MINK1: variants seen among roughly 807,000 people sequenced by gnomAD.
The protein encoded by MINK1 is misshapen like kinase 1, also known as misshapen-like kinase 1.
MINK1 carries 46 observed loss-of-function variants against 178.4 expected under a neutral mutation model. The ratio of observed to expected loss-of-function variants is 0.26; its 90% CI spans 0.20 to 0.33. The LOEUF is 0.33. Among genes scored for constraint, MINK1 ranks in the 10% least tolerant of loss-of-function variants. The probability of loss-of-function intolerance (pLI) is 1.00; values close to 1 mark genes in which losing one functional copy is unlikely to be tolerated. For synonymous variants in MINK1, 797 were observed against 709.7 expected, an observed-to-expected ratio of 1.12 and a Z score of -1.96; for missense variants, 1,366 against 1,814.9, an observed-to-expected ratio of 0.75 and a Z score of 4.49.
In MINK1 at chr17:4,896,303, C is replaced by A; in HGVS notation, c.3576C>A (p.Val1192=). The part of the protein sequence containing the change: ...GSSAGFHAVD[V]DSGNSYDIYI... ...GTGCTGGCTTCCATGCTGTGGATGTCGACTCGGGGAACAGCTATGACATCT... is the reference window on the plus strand; with the variant it reads ...GTGCTGGCTTCCATGCTGTGGATGTAGACTCGGGGAACAGCTATGACATCT... The change falls in exon 29 of 32, where the codon GTC becomes GTA. Residue 1192 remains valine (V), a synonymous_variant. Transcript: ENST00000355280. This position sits in a 1 kb window ranked among gnomAD's most constrained non-coding sequence, Gnocchi z 4.6. 6.2e-7 allele frequency: 1 copy of A among 1,601,358 alleles called. No homozygotes were observed.
intron 1 of MINK1, chr17:4,868,755 CT>C: frequency 6.2e-4 from 145 of 232,402 alleles, no homozygotes; most frequent in South Asian, 1.3e-3. Flanking sequence ...TCTTTTTTTT[CT>C]TTTTTTTGAG....
chr17:4,855,848 C>T (rs1046834336), intron 1 of MINK1, among the ~76,000 whole-genome samples: 2 of 151,378 alleles, frequency 1.3e-5, no homozygotes, highest in African/African-American at 4.9e-5. Flanking sequence ...GTAGCAGGCA[C>T]CTGTAATCCC....
At chr17:4,834,239 G>T (rs1409877593) in intron 1 of MINK1, among the ~76,000 whole-genome samples, 5 of 152,094 alleles carry the variant, frequency 3.3e-5, no homozygotes, top group Non-Finnish European at 7.3e-5. Context: ...AAGTGCAGCA[G>T]TTCAGAACCA....
intron 12 of MINK1, among the ~76,000 whole-genome samples, chr17:4,889,304 A>G (rs1968532342): frequency 6.6e-6 from 1 of 152,074 alleles, no homozygotes; most frequent in African/African-American, 2.4e-5. Flanking sequence ...ACTTCAGGCA[A>G]AGGTCGATTT....
At chr17:4,868,311 T>C (rs1485176027) in intron 1 of MINK1, among the ~76,000 whole-genome samples, 1 of 152,158 alleles carries the variant, frequency 6.6e-6, no homozygotes, top group Admixed American at 6.5e-5. Context: ...CCATAAAGTA[T>C]TGATAACTGT....
In MINK1 at chr17:4,893,981, C is replaced by G; in HGVS notation, c.2565-7C>G. 7 of 1,564,074 alleles carry G rather than the reference C, an allele frequency of 4.5e-6. No homozygotes were observed. Among genetic ancestry groups the G allele is most frequent in the Non-Finnish European group, 5.2e-6 (6 of 1,156,364 alleles). ...ACCTGGAGGGGCCCCACCTTCCTCT[C>G]TCACAGCAGCGATGGGGATACAGAC... On this transcript the variant is annotated splice_polypyrimidine_tract_variant and splice_region_variant and intron_variant, in intron 21 of 31. Transcript: ENST00000355280.
In MINK1 at chr17:4,894,344, G is replaced by T. The variant is rs774649669; in HGVS notation, c.2808+33G>T. 1.2e-6 allele frequency: 2 copies of T among 1,601,638 alleles called. No individual in the cohort carries two copies. Among genetic ancestry groups the T allele is most frequent in the Non-Finnish European group, 1.7e-6 (2 of 1,175,306 alleles). ...GGCCGGAGGCAGGTCCGCCGGGAGA[G>T]AAGAGCCCTGGCGATGGGCAGGAGG... is the stretch of plus-strand genomic sequence containing the variant. On this transcript the variant is annotated intron_variant, in intron 23 of 31. Coordinates refer to ENST00000355280, the MANE Select transcript of MINK1 (RefSeq NM_153827.5). The surrounding 1 kb of genome is among the most constrained non-coding windows in gnomAD (Gnocchi z 4.1).
At chr17:4,845,507 T>C (rs1272122188) in intron 1 of MINK1, among the ~76,000 whole-genome samples, 3 of 151,988 alleles carry the variant, frequency 2.0e-5, no homozygotes, top group Non-Finnish European at 2.9e-5. Context: ...ATGTGAGGGG[T>C]ACATGTGTTA....
rs1343913634 is a variant in MINK1 at position 4,885,440 on chromosome 17, G to T, written c.509-43G>T. ...CGCAGGGATGTGAGGCAAGGGAGCA[G>T]AGGTGACTCCCCACACTGACCCCTC... On this transcript the variant is annotated intron_variant, in intron 6 of 31. Coordinates refer to ENST00000355280, the MANE Select transcript of MINK1 (RefSeq NM_153827.5). This position sits in a 1 kb window ranked among gnomAD's most constrained non-coding sequence, Gnocchi z 5.0. 6.2e-7 allele frequency: 1 copy of T among 1,607,202 alleles called. No homozygotes were observed. The highest frequency in any genetic ancestry group is 8.5e-7 in the Non-Finnish European group (1 of 1,176,118).
intron 1 of MINK1, among the ~76,000 whole-genome samples, chr17:4,837,653 C>G (rs1909509479): frequency 6.6e-6 from 1 of 152,232 alleles, no homozygotes; most frequent in African/African-American, 2.4e-5. Flanking sequence ...GTGGATGGGA[C>G]AAGGAGGGGG....
intron 4 of MINK1, among the ~76,000 whole-genome samples, chr17:4,883,750 G>T (rs1967941864): frequency 6.7e-6 from 1 of 149,354 alleles, no homozygotes; most frequent in Non-Finnish European, 1.5e-5. Context: ...GTGTTATCCA[G>T]GATGGTCTTG....
At chr17:4,859,238 A>C in intron 1 of MINK1, 1 of 985,292 alleles carries the variant, frequency 1.0e-6, no homozygotes, top group Non-Finnish European at 1.2e-6. Flanking sequence ...TTCTTCTACC[A>C]TTCTGGAAGC....
At chr17:4,837,001 A>T (rs1379641649) in intron 1 of MINK1, among the ~76,000 whole-genome samples, 1 of 151,966 alleles carries the variant, frequency 6.6e-6, no homozygotes, top group Non-Finnish European at 1.5e-5. Flanking sequence ...CCAACATGGT[A>T]AAACCCCATC....
At chr17:4,867,135 A>G (rs1915122105) in intron 1 of MINK1, among the ~76,000 whole-genome samples, 1 of 100,068 alleles carries the variant, frequency 1.0e-5, no homozygotes, top group Non-Finnish European at 1.8e-5. Flanking sequence ...TGCTCTTAGG[A>G]CTGTTTTTTT....
chr17:4,892,736 A>G lies in MINK1; in HGVS notation c.2279A>G (p.Gln760Arg). The G allele has an allele frequency of 6.2e-7, 1 of 1,611,742 alleles. No homozygotes were observed. Among genetic ancestry groups the G allele is most frequent in the Non-Finnish European group, 8.5e-7 (1 of 1,179,404 alleles). Residue 760 changes from glutamine to arginine, a missense_variant, in exon 19 of 32, where the codon CAG becomes CGG. By Grantham distance (43) the Gln-to-Arg change is conservative. Transcript: ENST00000355280. ...VLPASHGHLPQAGSLERNRVG... is the reference protein window; with the variant it reads ...VLPASHGHLPRAGSLERNRVG... ...CCAGCCTCTCACGGGCACCTCCCCC[A>G]GGCTGGCTCACTGGAGCGGAACCGC...
intron 1 of MINK1, among the ~76,000 whole-genome samples, chr17:4,855,485 C>CAAAA (rs151339855): frequency 3.2e-5 from 3 of 92,408 alleles, no homozygotes; most frequent in Non-Finnish European, 3.9e-5. Context: ...GACTCCATCT[C>CAAAA]AAAAAAAAAA....
At chr17:4,834,910 T>C in intron 1 of MINK1, 1 of 517,862 alleles carries the variant, frequency 1.9e-6, no homozygotes. Context: ...AGAGGGGAAT[T>C]GAAGAGAGCA....
In MINK1 at chr17:4,895,065, C is replaced by T. The variant is rs763944791; in HGVS notation, c.2918-10C>T. On this transcript the variant is annotated splice_polypyrimidine_tract_variant and intron_variant, in intron 24 of 31. Coordinates refer to ENST00000355280, the MANE Select transcript of MINK1 (RefSeq NM_153827.5). The surrounding 1 kb of genome is among the most constrained non-coding windows in gnomAD (Gnocchi z 4.3). Reference sequence around the variant, plus strand: ...CAGCCCCTCCTCCCACCTCCTCCTCCTTCTGGCAGCCCTAGTGGGTGGAGA... The same window carrying T: ...CAGCCCCTCCTCCCACCTCCTCCTCTTTCTGGCAGCCCTAGTGGGTGGAGA... 5.0e-5 allele frequency: 81 copies of T among 1,612,858 alleles called. No individual in the cohort carries two copies. The highest frequency in any genetic ancestry group is 3.3e-4 in the Middle Eastern group (2 of 6,078).
At chr17:4,878,252 C>T in intron 1 of MINK1, 65 bp from the exon 2 acceptor site, 2 of 1,430,954 alleles carry the variant, frequency 1.4e-6, no homozygotes, top group South Asian at 1.2e-5. Context: ...CCACTTTACC[C>T]CCCTCTAGCT....
Sources: gnomAD v4.1 joint callset for allele counts (sites outside exome capture counted in the v4.1 genomes callset) on GRCh38, gnomAD v4.1.1 for gene constraint, Gnocchi (gnomAD v3.1) non-coding constraint, MANE v1.5 for transcripts, NCBI Gene and HGNC (gene_info 2026-07-23, HGNC 2026-07-21) for gene names.